ERICH1: variants seen among roughly 807,000 people sequenced by gnomAD.
ERICH1 encodes the protein glutamate-rich protein 1.
In ERICH1, 56 loss-of-function variants were observed where a neutral mutation model predicts 39.6. The ratio of observed to expected loss-of-function variants is 1.41; its 90% CI spans 1.14 to 1.77. The LOEUF (loss-of-function observed/expected upper bound fraction) is 1.77. Among genes scored for constraint, ERICH1 ranks in the 40% most tolerant of loss-of-function variants. The pLI, the probability that ERICH1 is intolerant of heterozygous loss-of-function variation, is 0.00. For synonymous variants in ERICH1, 313 were observed against 223.6 expected (o/e 1.40, Z -3.57); for missense variants, 826 against 575.4 (o/e 1.44, Z -4.45).
At chr8:677,296 C>G (rs962915172) in intron 3 of ERICH1, among the ~76,000 whole-genome samples, 1 of 152,236 alleles carries the variant, frequency 6.6e-6, no homozygotes, top group African/African-American at 2.4e-5. Flanking sequence ...CACGGTCAAA[C>G]TGAACGCCGC....
intron 4 of ERICH1, among the ~76,000 whole-genome samples, chr8:670,916 CAACCTCT>C (rs1803163201): frequency 1.1e-4 from 17 of 149,812 alleles, no homozygotes; most frequent in Admixed American, 6.0e-4. Context: ...GCCCCTGCTC[CAACCTCT>C]GAGCCCACCG....
chr8:677,248 C>T (rs1472961583), intron 3 of ERICH1, among the ~76,000 whole-genome samples: 1 of 152,250 alleles, frequency 6.6e-6, no homozygotes, highest in Non-Finnish European at 1.5e-5. Context: ...GCACCAGCCT[C>T]CCCTCTTCAT....
chr8:729,673 T>C (rs1018941269), intron 1 of ERICH1, among the ~76,000 whole-genome samples: 2 of 152,044 alleles, frequency 1.3e-5, no homozygotes, highest in Non-Finnish European at 2.9e-5. Flanking sequence ...CCAACCACAA[T>C]GTCCTTAAAC....
At chr8:709,736 G>A (rs1404306541) in intron 2 of ERICH1, among the ~76,000 whole-genome samples, 1 of 152,178 alleles carries the variant, frequency 6.6e-6, no homozygotes, top group Non-Finnish European at 1.5e-5. Flanking sequence ...AAAGTGAAAA[G>A]CCAATCACTT....
At chr8:640,173 G>A (rs1798828419) in intron 3 of ERICH1, among the ~76,000 whole-genome samples, 2 of 152,136 alleles carry the variant, frequency 1.3e-5, no homozygotes. Flanking sequence ...AAACTGAGTG[G>A]AATGCCGCCT....
chr8:720,929 G>A (rs888430333), intron 1 of ERICH1, among the ~76,000 whole-genome samples: 2 of 152,146 alleles, frequency 1.3e-5, no homozygotes, highest in East Asian at 1.9e-4. Flanking sequence ...CAGAAAAGAC[G>A]AGCACGTCCC....
rs1395626654 is a variant in ERICH1, at chr8:648,370, G to A, written c.976+20228C>T. On this transcript the variant is annotated intron_variant, in intron 3 of 3. Coordinates refer to the ERICH1 transcript ENST00000522706. ...CTCAAATCCACACATCAGGCCCACG[G>A]CAAGGATGCTGACTCCAGGTCGCAG... 1.3e-4 allele frequency among the ~76,000 whole-genome samples: 9 copies of A among 66,678 alleles called. 4 individuals carry two copies. The highest frequency in any genetic ancestry group is 2.7e-4 in the African/African-American group (7 of 26,332). The allele number at this position is 66,678 out of a possible 152,430, so 43.7% of individuals were successfully genotyped here.
At chr8:692,817 C>G (rs1202303528) in intron 2 of ERICH1, among the ~76,000 whole-genome samples, 2 of 152,078 alleles carry the variant, frequency 1.3e-5, no homozygotes, top group African/African-American at 4.8e-5. Context: ...CACACCCAGC[C>G]AAGAAAAAGG....
downstream of ERICH1, among the ~76,000 whole-genome samples, chr8:661,770 C>T (rs1824588926): frequency 6.6e-6 from 1 of 152,236 alleles, no homozygotes; most frequent in South Asian, 2.1e-4. Flanking sequence ...GAGCATCCCA[C>T]CTGCTCGACT....
chr8:716,998 C>T (rs1008402139), intron 1 of ERICH1, among the ~76,000 whole-genome samples: 7 of 152,198 alleles, frequency 4.6e-5, no homozygotes, highest in African/African-American at 7.2e-5. Flanking sequence ...TGGGTTTCCA[C>T]GCAACGCTCA....
At chr8:634,281 G>A (rs1421515641) in intron 3 of ERICH1, among the ~76,000 whole-genome samples, 2 of 152,022 alleles carry the variant, frequency 1.3e-5, no homozygotes, top group Admixed American at 1.3e-4. Flanking sequence ...TCCACGAAGC[G>A]GTGCTCACCT....
intron 4 of ERICH1, among the ~76,000 whole-genome samples, chr8:672,722 T>G (rs1803712676): frequency 6.6e-6 from 1 of 152,382 alleles, no homozygotes; most frequent in East Asian, 1.9e-4. Context: ...AAGTGCCATC[T>G]GTGACATTAA....
chr8:705,545 C>T (rs1813076535), intron 2 of ERICH1, among the ~76,000 whole-genome samples: 3 of 152,106 alleles, frequency 2.0e-5, no homozygotes, highest in African/African-American at 2.4e-5. Context: ...ATAAAGGCCA[C>T]GTATGAAACC....
intron 2 of ERICH1, among the ~76,000 whole-genome samples, chr8:708,295 C>G (rs1813759362): frequency 6.6e-6 from 1 of 152,082 alleles, no homozygotes; most frequent in South Asian, 2.1e-4. Context: ...AGTATAAACT[C>G]AAGAGAATCG....
In ERICH1 at chr8:673,450, G is replaced by C. The variant is rs1223876846; in HGVS notation, c.902C>G (p.Ala301Gly). The change falls in exon 4 of 6, where the codon GCC (alanine) becomes GGC (glycine). Residue 301 changes from alanine to glycine, a missense_variant. By Grantham distance (60) the Ala-to-Gly change is moderately conservative (BLOSUM62 0). Coordinates refer to ENST00000262109, the MANE Select transcript of ERICH1 (RefSeq NM_207332.3). ...KDTREEDGAD[A>G]SEEDPTWAGE... ...AGCCCATGTCGGGTCTTCCTCGCTG[G>C]CGTCCGCACCGTCCTCCTCCCTGGT... The C allele has an allele frequency of 1.2e-6, 2 of 1,613,770 alleles. No individual in the cohort carries two copies. The highest frequency in any genetic ancestry group is 2.2e-5 in the East Asian group (1 of 44,880).
At chr8:685,724 T>C (rs1807182941) in intron 3 of ERICH1, among the ~76,000 whole-genome samples, 1 of 152,190 alleles carries the variant, frequency 6.6e-6, no homozygotes, top group Admixed American at 6.5e-5. Context: ...TAGGGGCATA[T>C]TTTAGCATCT....
At chr8:682,775 T>C (rs1205333120) in intron 3 of ERICH1, among the ~76,000 whole-genome samples, 1 of 152,196 alleles carries the variant, frequency 6.6e-6, no homozygotes, top group African/African-American at 2.4e-5. Context: ...ATAACCAGTC[T>C]TCAGATTCTA....
At chr8:655,616 C>T (rs892944014) in intron 3 of ERICH1, among the ~76,000 whole-genome samples, 1 of 152,050 alleles carries the variant, frequency 6.6e-6, no homozygotes, top group East Asian at 1.9e-4. Flanking sequence ...GTGGCCTTTT[C>T]TCTGGCTTGC....
chr8:690,716 A>C (rs1376445099), intron 3 of ERICH1, among the ~76,000 whole-genome samples: 1 of 152,272 alleles, frequency 6.6e-6, no homozygotes, highest in African/African-American at 2.4e-5. Flanking sequence ...CTGAGTGTGA[A>C]TGCCCAGGGG....
Sources: gnomAD v4.1 joint callset for allele counts (sites outside exome capture counted in the v4.1 genomes callset) on GRCh38, gnomAD v4.1.1 for gene constraint, MANE v1.5 for transcripts, NCBI Gene and HGNC (gene_info 2026-07-23, HGNC 2026-07-21) for gene names.